The following HDHD5 variants were observed in gnomAD, a reference collection of about 807,000 sequenced individuals.
The protein encoded by HDHD5 is haloacid dehalogenase-like hydrolase domain-containing 5.
HDHD5 carries 34 observed loss-of-function variants against 35.5 expected under a neutral mutation model. The ratio of observed to expected loss-of-function variants is 0.96; its 90% CI spans 0.73 to 1.28. HDHD5 has a LOEUF of 1.28. Among genes scored for constraint, HDHD5 ranks in the 50% most tolerant of loss-of-function variants. The pLI, the probability that HDHD5 is intolerant of heterozygous loss-of-function variation, is 0.00. For synonymous variants in HDHD5, 248 were observed against 240.6 expected (o/e 1.03, Z -0.29); for missense variants, 589 against 560.2 (o/e 1.05, Z -0.52).
At chr22:17,159,442 C>T, upstream of HDHD5, 2 of 609,268 alleles carry the variant, frequency 3.3e-6, no homozygotes, top group Non-Finnish European at 2.8e-6. Flanking sequence ...GGAAGAAGTG[C>T]GGGGTCCCGC....
At chr22:17,144,765 G>T (rs2123856950) in intron 4 of HDHD5, among the ~76,000 whole-genome samples, 1 of 152,022 alleles carries the variant, frequency 6.6e-6, no homozygotes, top group East Asian at 1.9e-4. Context: ...TGCCCAGGCT[G>T]GTCTTGAACT....
chr22:17,159,450 C>T (rs552521401), upstream of HDHD5: 8 of 578,330 alleles, frequency 1.4e-5, no homozygotes, highest in East Asian at 4.9e-4. Flanking sequence ...TGCGGGGTCC[C>T]GCCGCCTCCT....
rs779921630 is a variant in HDHD5 at position 17,141,100 on chromosome 22, G to C, written c.705C>G (p.Ser235Arg). The change falls in exon 6 of 8, where the codon AGC becomes AGG. Residue 235 changes from serine (S) to arginine (R), a missense_variant. Ser to Arg is a moderately radical substitution (Grantham distance 110, BLOSUM62 -1). Transcript: ENST00000336737. ...PPYPHLPVLASNMDLLWMAEA... is the reference protein window; with the variant it reads ...PPYPHLPVLARNMDLLWMAEA... ...CAGCCATCCACAGGAGATCCATGTT[G>C]CTGGCTAGGACGGGGAGGTGGGGGT... 3 of 1,593,296 alleles carry C rather than the reference G, an allele frequency of 1.9e-6. No homozygotes were observed. The East Asian group carries it at 7.1e-5, about 38-fold the overall frequency.
chr22:17,151,405 G>A (rs34127702), intron 1 of HDHD5, among the ~76,000 whole-genome samples: 1 of 152,110 alleles, frequency 6.6e-6, no homozygotes, highest in Non-Finnish European at 1.5e-5. Context: ...TCTACGCACA[G>A]AGCTCCCTTT....
chr22:17,165,173 CCT>C lies in HDHD5; in HGVS notation c.36+34_36+35del, dbSNP rs763330524. 228 of 768,740 alleles carry C rather than the reference CCT, an allele frequency of 3.0e-4. No homozygotes were observed. In the South Asian group the frequency reaches 3.1e-3, roughly 10 times the overall value. The allele number at this position is 768,740 out of a possible 1,614,324, so 47.6% of individuals were successfully genotyped here. ...GGACTTCTGTTAATAATACTCCTGG[CCT>C]CTCTCTACCTGGGGAAGAGGAAACG... On this transcript the variant is annotated intron_variant, in intron 1 of 7. Coordinates refer to the HDHD5 transcript ENST00000155674.
At chr22:17,159,047 C>T in intron 1 of HDHD5, 79 bp downstream of exon 1, 1 of 1,149,072 alleles carries the variant, frequency 8.7e-7, no homozygotes, top group Non-Finnish European at 1.1e-6. Context: ...AGCCCGGCCG[C>T]CCCTCCTTCC....
rs1177534604 is a variant in HDHD5 at position 17,137,919 on chromosome 22, G to A, written c.*102C>T. Reference sequence around the variant, plus strand: ...CATGGGGCAGCAAGAAGGGTGGCAAGGGAACCAAGCCCTGACCTGAGCCCA... The same window carrying A: ...CATGGGGCAGCAAGAAGGGTGGCAAAGGAACCAAGCCCTGACCTGAGCCCA... On this transcript the variant is annotated 3_prime_UTR_variant, in exon 8 of 8. Transcript: ENST00000336737. 59 of 963,118 alleles carry A rather than the reference G, an allele frequency of 6.1e-5. No homozygotes were observed. Among genetic ancestry groups the A allele is most frequent in the Non-Finnish European group, 5.1e-5 (33 of 652,382 alleles). The allele number at this position is 963,118 out of a possible 1,614,324, so 59.7% of individuals were successfully genotyped here.
chr22:17,143,875 C>A (rs554715041), intron 4 of HDHD5, among the ~76,000 whole-genome samples: 3 of 152,222 alleles, frequency 2.0e-5, no homozygotes, highest in East Asian at 1.9e-4. Flanking sequence ...GATACACAGA[C>A]GGTGCGATGA....
Position 17,137,950 on chromosome 22 carries a change from C to G in HDHD5, c.*71G>C. On this transcript the variant is annotated 3_prime_UTR_variant, in exon 8 of 8. Coordinates refer to ENST00000336737, the MANE Select transcript of HDHD5 (RefSeq NM_033070.3). ...CAAGCCCTGACCTGAGCCCAGTGAT[C>G]AGGCCAGAGCCCAGCCAATGGGACT... The G allele has an allele frequency of 7.5e-7, 1 of 1,336,484 alleles. No homozygotes were observed. The highest frequency in any genetic ancestry group is 1.0e-6 in the Non-Finnish European group (1 of 969,558). The allele number at this position is 1,336,484 out of a possible 1,614,324, so 82.8% of individuals were successfully genotyped here. A position where few individuals can be genotyped will look rare whatever the true frequency, so the allele number is the denominator to read the frequency against.
intron 1 of HDHD5, among the ~76,000 whole-genome samples, chr22:17,154,412 G>T (rs1169484073): frequency 1.3e-5 from 2 of 151,498 alleles, no homozygotes; most frequent in Non-Finnish European, 2.9e-5. Flanking sequence ...TCGGGAGATG[G>T]TGTTTGCAGT....
intron 5 of HDHD5, chr22:17,141,484 G>A: frequency 7.5e-7 from 1 of 1,326,034 alleles, no homozygotes; most frequent in Non-Finnish European, 9.6e-7. Flanking sequence ...CTTCACAGAA[G>A]AGGTTACAAA....
At chr22:17,159,951 G>A (rs952577822), upstream of HDHD5, 17 of 160,030 alleles carry the variant, frequency 1.1e-4, no homozygotes, top group African/African-American at 3.6e-4. Flanking sequence ...AATGAACAAA[G>A]AATGGATTTC....
At chr22:17,159,517 G>GCGTC, upstream of HDHD5, 2 of 468,850 alleles carry the variant, frequency 4.3e-6, no homozygotes, top group South Asian at 3.1e-5. Flanking sequence ...CTGGGCGGCG[G>GCGTC]CGTCCGTACT....
intron 6 of HDHD5, among the ~76,000 whole-genome samples, chr22:17,140,469 C>T (rs542374788): frequency 2.0e-5 from 3 of 152,202 alleles, no homozygotes; most frequent in Non-Finnish European, 2.9e-5. Context: ...CCTGTAATCC[C>T]GGCACTTTTG....
At chr22:17,144,413 CTTT>C (rs71315359) in intron 4 of HDHD5, among the ~76,000 whole-genome samples, 20 of 132,760 alleles carry the variant, frequency 1.5e-4, no homozygotes, top group African/African-American at 4.4e-4. Flanking sequence ...CCATATGTGG[CTTT>C]TTTTTTTTTT....
chr22:17,154,045 G>T (rs1277474787), intron 1 of HDHD5, among the ~76,000 whole-genome samples: 1 of 151,644 alleles, frequency 6.6e-6, no homozygotes, highest in African/African-American at 2.4e-5. Context: ...GCAGAGATGC[G>T]GTTTCCCCAG....
At chr22:17,142,842 C>T (rs1156932150) in intron 5 of HDHD5, 1 of 431,228 alleles carries the variant, frequency 2.3e-6, no homozygotes, top group Non-Finnish European at 4.1e-6. Context: ...TAGACTAGAT[C>T]ACCTCTAGGT....
chr22:17,161,299 C>T (rs2061862477), upstream of HDHD5, among the ~76,000 whole-genome samples: 1 of 151,370 alleles, frequency 6.6e-6, no homozygotes, highest in South Asian at 2.1e-4. Flanking sequence ...TGGCTCATGC[C>T]TGTAATCCCA....
chr22:17,145,176 G>C lies in HDHD5; in HGVS notation c.444-59C>G, dbSNP rs2061647672. On this transcript the variant is annotated intron_variant, in intron 3 of 7. Coordinates refer to ENST00000336737, the MANE Select transcript of HDHD5 (RefSeq NM_033070.3). ...TCTTGGGGAAGATGCCTTTCTGAAT[G>C]CATCAAATCACAAGTGAAGGGAACA... 106 of 1,604,494 alleles carry C rather than the reference G, an allele frequency of 6.6e-5. 2 individuals carry two copies. The South Asian group carries it at 8.2e-4, about 12-fold the overall frequency.
Sources: allele counts gnomAD v4.1 joint callset (sites outside exome capture counted in the v4.1 genomes callset), GRCh38; gene constraint gnomAD v4.1.1; transcripts MANE v1.5; gene names NCBI Gene and HGNC (gene_info 2026-07-23, HGNC 2026-07-21).